EFR3A: variants seen among roughly 807,000 people sequenced by gnomAD.
EFR3A encodes EFR3 homolog A, also known as protein EFR3 homolog A.
EFR3A carries 76 observed loss-of-function variants against 104.4 expected under a neutral mutation model. That is an observed-to-expected ratio of 0.73 (90% CI 0.60 to 0.88). The LOEUF (loss-of-function observed/expected upper bound fraction) is 0.88. Among genes scored for constraint, EFR3A ranks in the 40% least tolerant of loss-of-function variants. The pLI is 0.00. For synonymous variants in EFR3A, 330 were observed against 330.0 expected, an observed-to-expected ratio of 1.00 and a Z score of 0.00; for missense variants, 985 against 1,012.5, an observed-to-expected ratio of 0.97 and a Z score of 0.37.
intron 4 of EFR3A, among the ~76,000 whole-genome samples, chr8:131,948,038 C>G (rs2130592354): frequency 6.6e-6 from 1 of 152,206 alleles, no homozygotes; most frequent in East Asian, 1.9e-4. Flanking sequence ...GTATCACCTT[C>G]AGTCTTTCAG....
At chr8:131,994,050 A>G (rs1821350131) in intron 18 of EFR3A, among the ~76,000 whole-genome samples, 1 of 152,090 alleles carries the variant, frequency 6.6e-6, no homozygotes, top group African/African-American at 2.4e-5. Flanking sequence ...TTATGTGTAT[A>G]ACAAACCTGC....
chr8:131,984,404 A>G (rs1820773162), intron 15 of EFR3A, 104 bp downstream of exon 15: 1 of 1,129,694 alleles, frequency 8.9e-7, no homozygotes, highest in African/African-American at 1.6e-5. Flanking sequence ...AAAGGGAGGT[A>G]TCTAGTTGTA....
Position 131,987,683 on chromosome 8 carries a change from G to T in EFR3A, c.2046G>T (p.Pro682=), listed in dbSNP as rs775874206. Residue 682 remains proline (P), a synonymous_variant, in exon 18 of 23, where the codon CCG becomes CCT. Coordinates refer to ENST00000254624, the MANE Select transcript of EFR3A (RefSeq NM_015137.6). ...SGYSVERLSV[P]YVPQVTDEDR... is the part of the protein sequence containing the mutation. ...ATAGTGTTGAGAGATTGTCAGTTCCGTATGTACCACAAGTAACAGGTAAGA... is the reference window on the plus strand; with the variant it reads ...ATAGTGTTGAGAGATTGTCAGTTCCTTATGTACCACAAGTAACAGGTAAGA... 2 of 1,594,448 alleles carry T rather than the reference G, an allele frequency of 1.3e-6. No individual in the cohort carries two copies. The highest frequency in any genetic ancestry group is 4.5e-5 in the East Asian group (2 of 44,378).
chr8:132,002,531 CTT>C (rs2130805734), intron 20 of EFR3A, 70 bp from the exon 21 acceptor site: 1 of 1,278,062 alleles, frequency 7.8e-7, no homozygotes, highest in South Asian at 1.4e-5. Context: ...ATCATTAACT[CTT>C]AACGGTCATT....
chr8:131,969,668 G>C (rs1819942030), intron 9 of EFR3A, among the ~76,000 whole-genome samples: 1 of 151,784 alleles, frequency 6.6e-6, no homozygotes, highest in South Asian at 2.1e-4. Flanking sequence ...TGGGCATCTT[G>C]GATGTGAATT....
chr8:132,006,230 T>C (rs921529919), intron 22 of EFR3A, among the ~76,000 whole-genome samples: 2 of 152,056 alleles, frequency 1.3e-5, no homozygotes, highest in African/African-American at 4.8e-5. Flanking sequence ...CAGAAGTCAA[T>C]GAAACAGAAA....
intron 9 of EFR3A, among the ~76,000 whole-genome samples, chr8:131,969,334 C>T (rs572327029): frequency 4.8e-4 from 73 of 152,110 alleles, no homozygotes; most frequent in African/African-American, 1.7e-3. Flanking sequence ...GGGATTGGTT[C>T]GAGGACCCCT....
chr8:131,931,935 T>C (rs1195050834), intron 1 of EFR3A, among the ~76,000 whole-genome samples: 1 of 152,110 alleles, frequency 6.6e-6, no homozygotes, highest in African/African-American at 2.4e-5. Flanking sequence ...TTATCCTGGC[T>C]CCTGGTTTGC....
chr8:131,942,323 A>C (rs1251682057), intron 2 of EFR3A, among the ~76,000 whole-genome samples: 5 of 152,132 alleles, frequency 3.3e-5, no homozygotes, highest in Non-Finnish European at 5.9e-5. Flanking sequence ...CTTATTTTTA[A>C]CTTGTTAAAA....
intron 9 of EFR3A, 54 bp downstream of exon 9, chr8:131,968,484 T>C: frequency 6.4e-7 from 1 of 1,554,194 alleles, no homozygotes; most frequent in Non-Finnish European, 8.9e-7. Context: ...CAAAGTGTCC[T>C]TTCAGTATGC....
At position 132,010,405 on chromosome 8, in the gene EFR3A, GAGATATATATATATATATATATAT is replaced by G. The variant is rs1165513735; in HGVS notation, c.2361-383_2361-360del. Among the ~76,000 whole-genome samples, 300 of 88,010 alleles carry G rather than the reference GAGATATATATATATATATATATAT, an allele frequency of 3.4e-3. 9 individuals are homozygous for G. The highest frequency in any genetic ancestry group is 0.013 in the African/African-American group (277 of 21,094). The allele number at this position is 88,010 out of a possible 152,430, so 57.7% of individuals were successfully genotyped here. On this transcript the variant is annotated intron_variant, in intron 22 of 22. Coordinates refer to ENST00000254624, the MANE Select transcript of EFR3A (RefSeq NM_015137.6). ...TTGTTCTCTGGATTAAATCAAGTATGAGATATATATATATATATATATATATATATATATATATATATATAATGA... is the reference window on the plus strand; with the variant it reads ...TTGTTCTCTGGATTAAATCAAGTATGATATATATATATATATATATAATGA...
chr8:131,909,692 G>A (rs924001515), intron 1 of EFR3A, among the ~76,000 whole-genome samples: 15 of 152,138 alleles, frequency 9.9e-5, no homozygotes, highest in African/African-American at 3.4e-4. Flanking sequence ...CACTATTGAT[G>A]TCTGGGACAG....
chr8:131,913,681 G>A (rs1816626441), intron 1 of EFR3A, among the ~76,000 whole-genome samples: 3 of 152,148 alleles, frequency 2.0e-5, no homozygotes, highest in African/African-American at 7.2e-5. Context: ...ATAATGCTAA[G>A]TGTTCTTCAC....
rs760724663 is a variant in EFR3A at position 131,979,023 on chromosome 8, A to G, written c.1499+4A>G. 51 of 1,599,384 alleles carry G rather than the reference A, an allele frequency of 3.2e-5. No homozygotes were observed. The highest frequency in any genetic ancestry group is 4.3e-5 in the Non-Finnish European group (50 of 1,174,072). On this transcript the variant is annotated splice_donor_region_variant and intron_variant, in intron 13 of 22. Coordinates refer to ENST00000254624, the MANE Select transcript of EFR3A (RefSeq NM_015137.6). ...GGGCAAAGCTTCGAGGGATCAGGTA[A>G]TGTGCCATTTTGAAATGGATCTAAT...
At chr8:131,948,341 C>A (rs1173041245) in intron 4 of EFR3A, among the ~76,000 whole-genome samples, 1 of 152,054 alleles carries the variant, frequency 6.6e-6, no homozygotes, top group Non-Finnish European at 1.5e-5. Context: ...ATGAGAATAC[C>A]AATCTCACAG....
chr8:132,003,193 C>G, intron 21 of EFR3A, 43 bp from the exon 22 acceptor site: 1 of 1,468,484 alleles, frequency 6.8e-7, no homozygotes, highest in Non-Finnish European at 9.5e-7. Flanking sequence ...TATATAGATA[C>G]CTAGAAAATA....
intron 8 of EFR3A, among the ~76,000 whole-genome samples, chr8:131,962,743 C>G (rs2130661758): frequency 6.6e-6 from 1 of 152,334 alleles, no homozygotes; most frequent in Admixed American, 6.5e-5. Flanking sequence ...CAAAACTCTC[C>G]ACCCCAGATC....
At chr8:131,944,662 G>A (rs1818334219) in intron 2 of EFR3A, 83 bp from the exon 3 acceptor site, 1 of 1,348,674 alleles carries the variant, frequency 7.4e-7, no homozygotes, top group South Asian at 1.5e-5. Context: ...AATCCAGAAA[G>A]GGAAATTGTA....
At chr8:131,962,250 A>G (rs1009259505) in intron 8 of EFR3A, among the ~76,000 whole-genome samples, 25 of 152,348 alleles carry the variant, frequency 1.6e-4, no homozygotes, top group African/African-American at 6.0e-4. Context: ...CTGCAATTAA[A>G]AGTCACAGAC....
Sources: gnomAD v4.1 joint callset for allele counts (sites outside exome capture counted in the v4.1 genomes callset) on GRCh38, gnomAD v4.1.1 for gene constraint, MANE v1.5 for transcripts, NCBI Gene and HGNC (gene_info 2026-07-23, HGNC 2026-07-21) for gene names.